Variants in CATSPERD observed in about 807,000 individuals in gnomAD.
The protein encoded by CATSPERD is catsper channel auxiliary subunit delta, also known as cation channel sperm-associated auxiliary subunit delta.
A neutral mutation model predicts 98.1 loss-of-function variants in CATSPERD; 86 were observed. The ratio of observed to expected loss-of-function variants is 0.88; its 90% CI spans 0.74 to 1.05. The LOEUF (loss-of-function observed/expected upper bound fraction) is 1.05. CATSPERD is among the 50% of genes least tolerant of loss of function. The probability of loss-of-function intolerance (pLI) is 0.00; values close to 1 mark genes in which losing one functional copy is unlikely to be tolerated. For missense variants in CATSPERD, 995 were observed against 1,005.7 expected (o/e 0.99, Z 0.14); for synonymous variants, 394 against 390.2 (o/e 1.01, Z -0.12).
chr19:5,763,387 C>T, intron 16 of CATSPERD, 94 bp downstream of exon 16: 1 of 893,826 alleles, frequency 1.1e-6, no homozygotes, highest in Non-Finnish European at 1.8e-6. Context: ...TGAGATAGTG[C>T]CACTGCACTC....
intron 11 of CATSPERD, among the ~76,000 whole-genome samples, chr19:5,750,565 A>AC (rs2056192751): frequency 6.6e-6 from 1 of 150,616 alleles, no homozygotes; most frequent in South Asian, 2.1e-4. Context: ...ACATAGTGAG[A>AC]CCCCGTCTCT....
intron 11 of CATSPERD, among the ~76,000 whole-genome samples, chr19:5,750,603 T>C (rs1196273666): frequency 6.6e-6 from 1 of 150,612 alleles, no homozygotes; most frequent in East Asian, 2.0e-4. Context: ...TAGCTGGGCA[T>C]GGTGGTGCAT....
chr19:5,774,658 C>T (rs941121244), intron 20 of CATSPERD, among the ~76,000 whole-genome samples: 13 of 152,002 alleles, frequency 8.6e-5, no homozygotes, highest in African/African-American at 2.4e-4. Context: ...CACTGCACTC[C>T]GGCCTGGGCA....
chr19:5,764,318 A>AT (rs898106927), intron 16 of CATSPERD, among the ~76,000 whole-genome samples: 14 of 146,374 alleles, frequency 9.6e-5, no homozygotes, highest in South Asian at 4.3e-4. Flanking sequence ...TGCTTTATTT[A>AT]TTTTTTTTAT....
At chr19:5,759,680 C>T (rs2056397951) in intron 15 of CATSPERD, among the ~76,000 whole-genome samples, 1 of 151,332 alleles carries the variant, frequency 6.6e-6, no homozygotes, top group Non-Finnish European at 1.5e-5. Context: ...TGATTCACAA[C>T]AGTCAAAAGG....
At chr19:5,723,366 C>T (rs891065142) in intron 1 of CATSPERD, among the ~76,000 whole-genome samples, 8 of 150,680 alleles carry the variant, frequency 5.3e-5, no homozygotes, top group Non-Finnish European at 1.2e-4. Flanking sequence ...CTCACTGCAA[C>T]CTCTGCCTCC....
At chr19:5,748,400 G>A (rs1359274314) in intron 10 of CATSPERD, 145 bp downstream of exon 10, 8 of 680,256 alleles carry the variant, frequency 1.2e-5, no homozygotes, top group Non-Finnish European at 2.1e-5. Flanking sequence ...GGAGGCCGAG[G>A]CGGGTGGATC....
intron 7 of CATSPERD, among the ~76,000 whole-genome samples, chr19:5,743,702 C>CTCTCTCTCTCTCTCTCTCTCTG (rs1555720819): frequency 8.0e-6 from 1 of 124,280 alleles, no homozygotes; most frequent in African/African-American, 2.9e-5. Context: ...CTCTCTCTCT[C>CTCTCTCTCTCTCTCTCTCTCTG]TCTCTGTCTC....
chr19:5,742,021 G>C (rs529128139), intron 7 of CATSPERD, among the ~76,000 whole-genome samples: 1 of 150,766 alleles, frequency 6.6e-6, no homozygotes, highest in East Asian at 1.9e-4. Context: ...GGGTGACAGA[G>C]TGAAACTCTG....
chr19:5,749,260 G>A, intron 11 of CATSPERD, 77 bp downstream of exon 11: 1 of 1,016,916 alleles, frequency 9.8e-7, no homozygotes, highest in Non-Finnish European at 1.5e-6. Context: ...GGGAGGCTGA[G>A]GTGGAAGGAT....
chr19:5,760,497 G>A (rs1448513940), intron 15 of CATSPERD, among the ~76,000 whole-genome samples: 4 of 151,810 alleles, frequency 2.6e-5, no homozygotes. Flanking sequence ...GGATACAAAA[G>A]GACAAATCCT....
chr19:5,778,207 C>CAAA (rs555139661), intron 21 of CATSPERD, among the ~76,000 whole-genome samples, 169 bp from the exon 22 acceptor site: 33 of 82,372 alleles, frequency 4.0e-4, no homozygotes, highest in African/African-American at 1.2e-3. Context: ...GACTCCGACT[C>CAAA]AAAAAAAAAA....
At chr19:5,760,909 A>G (rs2056421065) in intron 15 of CATSPERD, among the ~76,000 whole-genome samples, 1 of 151,116 alleles carries the variant, frequency 6.6e-6, no homozygotes, top group Non-Finnish European at 1.5e-5. Flanking sequence ...CAAGACCCTG[A>G]CCCTGGGCGA....
intron 20 of CATSPERD, among the ~76,000 whole-genome samples, chr19:5,775,787 CTG>C (rs2056731847): frequency 6.6e-6 from 1 of 152,104 alleles, no homozygotes; most frequent in African/African-American, 2.4e-5. Flanking sequence ...AGAAGAAACA[CTG>C]TGCCTGGCTC....
chr19:5,747,804 G>T (rs2056124635), intron 9 of CATSPERD, among the ~76,000 whole-genome samples: 1 of 151,860 alleles, frequency 6.6e-6, no homozygotes, highest in Non-Finnish European at 1.5e-5. Flanking sequence ...TAGAGACAAG[G>T]TTTTGCCATG....
intron 6 of CATSPERD, 102 bp from the exon 7 acceptor site, chr19:5,739,224 G>A: frequency 1.4e-6 from 1 of 714,354 alleles, no homozygotes; most frequent in Admixed American, 2.6e-5. Context: ...CAGACATCCA[G>A]GTTTTTTTCA....
chr19:5,750,928 A>C (rs1271759347), intron 11 of CATSPERD, among the ~76,000 whole-genome samples: 1 of 149,060 alleles, frequency 6.7e-6, no homozygotes, highest in Non-Finnish European at 1.5e-5. Context: ...TTCAATCTGC[A>C]TCATGGCCGG....
intron 19 of CATSPERD, chr19:5,772,418 A>G (rs947672948): frequency 1.1e-4 from 30 of 260,932 alleles, no homozygotes; most frequent in Middle Eastern, 1.5e-3. Flanking sequence ...TAGTAGAGAT[A>G]GGGTTTCACC....
rs373512506 is a variant in CATSPERD at position 5,776,336 on chromosome 19, C to T, written c.2096+21C>T. On this transcript the variant is annotated intron_variant, in intron 21 of 21. Transcript: ENST00000381624. ...TACAGGTGAGTGGGCCCATCTGCCC[C>T]TACGACAGGGGACGCCTGGTGCCCC... The T allele has an allele frequency of 8.3e-5, 133 of 1,610,720 alleles. 1 individual carries two copies. In the Middle Eastern group the frequency reaches 1.5e-3, roughly 18 times the overall value.
Sources: allele counts gnomAD v4.1 joint callset (sites outside exome capture counted in the v4.1 genomes callset), GRCh38; gene constraint gnomAD v4.1.1; transcripts MANE v1.5; gene names NCBI Gene and HGNC (gene_info 2026-07-23, HGNC 2026-07-21).